Variants in ADGRE3 observed in about 807,000 individuals in gnomAD.
ADGRE3 encodes the protein EGF-like module receptor 3.
In ADGRE3, 88 loss-of-function variants were observed where a neutral mutation model predicts 80.1. The ratio of observed to expected loss-of-function variants is 1.10; its 90% confidence interval spans 0.93 to 1.31. ADGRE3 has a LOEUF of 1.31. ADGRE3 is among the 40% of genes most tolerant of loss of function. The pLI is 0.00. For synonymous variants in ADGRE3, 281 were observed against 294.8 expected (o/e 0.95, Z 0.48); for missense variants, 715 against 776.5 (o/e 0.92, Z 0.94).
chr19:14,673,779 C>T (rs1446227214), intron 1 of ADGRE3, among the ~76,000 whole-genome samples: 4 of 152,244 alleles, frequency 2.6e-5, no homozygotes, highest in East Asian at 1.9e-4. Context: ...TTTTGTTACA[C>T]GCATAGATTT....
At chr19:14,620,461 T>TCTATGTATATTC (rs1970522180) in intron 15 of ADGRE3, among the ~76,000 whole-genome samples, 1 of 136,454 alleles carries the variant, frequency 7.3e-6, no homozygotes, top group African/African-American at 2.7e-5. Flanking sequence ...TATATGAATA[T>TCTATGTATATTC]ATGAATATAT....
chr19:14,636,071 CTTTCCTTTCCCTTT>C (rs1288568176), intron 11 of ADGRE3, among the ~76,000 whole-genome samples: 3 of 80,474 alleles, frequency 3.7e-5, no homozygotes, highest in Middle Eastern at 5.7e-3. Context: ...CTTTCCTTTC[CTTTCCTTTCCCTTT>C]CTTTCTTTCT....
intron 15 of ADGRE3, among the ~76,000 whole-genome samples, chr19:14,620,496 A>ATATTGATGT (rs1970532377): frequency 8.1e-6 from 1 of 123,678 alleles, no homozygotes; most frequent in African/African-American, 3.1e-5. Flanking sequence ...AATATATATG[A>ATATTGATGT]ATATATGAAT....
At chr19:14,607,395 G>A in the ADGRE3 span, among the ~76,000 whole-genome samples, 3 of 151,562 alleles carry the variant, frequency 2.0e-5, no homozygotes, top group Non-Finnish European at 2.9e-5. Context: ...AGTAGAGACG[G>A]GGTTTCACCG....
At chr19:14,610,390 C>T in the ADGRE3 span, 1 of 687,828 alleles carries the variant, frequency 1.5e-6, no homozygotes, top group Non-Finnish European at 2.4e-6. Flanking sequence ...TGGGCTTGCC[C>T]TAGTAGATGG....
At chr19:14,637,660 CAA>C (rs1250123459) in intron 11 of ADGRE3, among the ~76,000 whole-genome samples, 1 of 151,832 alleles carries the variant, frequency 6.6e-6, no homozygotes, top group African/African-American at 2.4e-5. Flanking sequence ...CTGGGCTTCC[CAA>C]AGTGCTGGGA....
intron 15 of ADGRE3, among the ~76,000 whole-genome samples, chr19:14,620,526 A>C (rs1429295914): frequency 8.4e-5 from 1 of 11,918 alleles, no homozygotes; most frequent in Admixed American, 1.0e-3. Context: ...CTATATATGA[A>C]TATATATATT....
At chr19:14,646,266 G>A (rs1971395664) in intron 8 of ADGRE3, among the ~76,000 whole-genome samples, 1 of 152,142 alleles carries the variant, frequency 6.6e-6, no homozygotes, top group East Asian at 1.9e-4. Flanking sequence ...GGGACTACAG[G>A]CATGTGCCAC....
At chr19:14,607,405 G>C in the ADGRE3 span, among the ~76,000 whole-genome samples, 5 of 151,336 alleles carry the variant, frequency 3.3e-5, no homozygotes, top group African/African-American at 1.2e-4. Context: ...GGGTTTCACC[G>C]TGTTAGCCAG....
At chr19:14,614,458 A>G (rs2075064080), downstream of ADGRE3, among the ~76,000 whole-genome samples, 1 of 152,182 alleles carries the variant, frequency 6.6e-6, no homozygotes, top group Admixed American at 6.5e-5. Flanking sequence ...GGGGAGCAAC[A>G]GTTGGATAAA....
intron 14 of ADGRE3, among the ~76,000 whole-genome samples, chr19:14,628,957 C>T (rs985660951): frequency 6.6e-6 from 1 of 151,920 alleles, no homozygotes; most frequent in Non-Finnish European, 1.5e-5. Context: ...GAGTCTTGCT[C>T]TGTTGCCCAG....
At position 14,662,061 on chromosome 19, in the gene ADGRE3, T is replaced by A; in HGVS notation, c.257A>T (p.Tyr86Phe). ...SVYCGFNAVCYNVEGSFYCQC... is the reference protein window; with the variant it reads ...SVYCGFNAVCFNVEGSFYCQC... ...ACAGTAGAAACTTCCTTCGACATTG[T>A]AACACACAGCGTTAAATCCACAATA... The change falls in exon 4 of 16, where the codon TAC (tyrosine) becomes TTC (phenylalanine). Residue 86 changes from tyrosine to phenylalanine, a missense_variant. Coordinates refer to ENST00000253673, the MANE Select transcript of ADGRE3 (RefSeq NM_032571.5). 1 of 1,614,142 alleles carries A rather than the reference T, an allele frequency of 6.2e-7. No individual in the cohort carries two copies. The highest frequency in any genetic ancestry group is 8.5e-7 in the Non-Finnish European group (1 of 1,179,958).
rs1158142057 is a variant in ADGRE3 at position 14,636,145 on chromosome 19, T to TTCCTTCCTTCCTTCCTTCCTTCCTTC, written c.1484+1959_1484+1960insGAAGGAAGGAAGGAAGGAAGGAAGGA. 5.8e-4 allele frequency among the ~76,000 whole-genome samples: 13 copies of TTCCTTCCTTCCTTCCTTCCTTCCTTC among 22,294 alleles called. 2 individuals are homozygous for TTCCTTCCTTCCTTCCTTCCTTCCTTC. The highest frequency in any genetic ancestry group is 2.1e-3 in the East Asian group (2 of 932). 14.6% of individuals were successfully genotyped at this position (22,294 alleles called of 152,430 possible). The stretch of plus-strand genomic sequence containing the variant: ...TTCTTTCTTTCTTTCTTTCTTTCTT[T>TTCCTTCCTTCCTTCCTTCCTTCCTTC]CTTTCTTCCTTTCCTCCTTTCCTTT... On this transcript the variant is annotated intron_variant, in intron 11 of 15. Coordinates refer to ENST00000253673, the MANE Select transcript of ADGRE3 (RefSeq NM_032571.5).
At chr19:14,664,670 T>C (rs2146901150) in intron 2 of ADGRE3, among the ~76,000 whole-genome samples, 1 of 152,202 alleles carries the variant, frequency 6.6e-6, no homozygotes, top group East Asian at 1.9e-4. Context: ...GGTCATGTCA[T>C]TACACTGCAG....
chr19:14,657,482 TAC>T (rs556887993), intron 5 of ADGRE3, among the ~76,000 whole-genome samples: 1 of 151,926 alleles, frequency 6.6e-6, no homozygotes, highest in Non-Finnish European at 1.5e-5. Context: ...CACACGCTCA[TAC>T]ACACACACTC....
chr19:14,651,127 T>C lies in ADGRE3; in HGVS notation c.655A>G (p.Met219Val), dbSNP rs1353426646. 7 of 1,613,844 alleles carry C rather than the reference T, an allele frequency of 4.3e-6. No individual in the cohort carries two copies. The highest frequency in any genetic ancestry group is 2.7e-5 in the African/African-American group (2 of 74,932). ...ATGATGTCACTGCAACGGATGTCCA[T>C]TGAGTTCATTTGGACGTTCAAGTTG... ...TFNLNVQMNS[M>V]DIRCSDIIQG... Residue 219 changes from methionine (M) to valine (V), a missense_variant, in exon 7 of 16, where the codon ATG becomes GTG. Coordinates refer to ENST00000253673, the MANE Select transcript of ADGRE3 (RefSeq NM_032571.5).
Position 14,674,792 on chromosome 19 carries a change from C to CGCCA in ADGRE3, c.-26_-23dup. The CGCCA allele has an allele frequency of 6.2e-7, 1 of 1,613,376 alleles. No homozygotes were observed. The highest frequency in any genetic ancestry group is 8.5e-7 in the Non-Finnish European group (1 of 1,179,676). Reference sequence around the variant, plus strand: ...GCATTTCTGTGGTACGGGTATCCCACGCCAGCCAGCCCTGGAAGCTCTCTA... The same window carrying CGCCA: ...GCATTTCTGTGGTACGGGTATCCCACGCCAGCCAGCCAGCCCTGGAAGCTCTCTA... On this transcript the variant is annotated 5_prime_UTR_variant, in exon 1 of 16. Transcript: ENST00000253673.
chr19:14,667,828 TA>T (rs1331009979), intron 2 of ADGRE3, among the ~76,000 whole-genome samples: 17 of 151,992 alleles, frequency 1.1e-4, no homozygotes, highest in Non-Finnish European at 1.6e-4. Context: ...TAAAGTATAA[TA>T]AAAAAAATAA....
intron 15 of ADGRE3, among the ~76,000 whole-genome samples, chr19:14,620,441 T>TATTCATGTATATATGAATATATATGTAC (rs1970517208): frequency 7.0e-6 from 1 of 143,870 alleles, no homozygotes; most frequent in Admixed American, 7.2e-5. Flanking sequence ...TATATATGTA[T>TATTCATGTATATATGAATATATATGTAC]ATTCATGTAT....
Sources: allele counts gnomAD v4.1 joint callset (sites outside exome capture counted in the v4.1 genomes callset), GRCh38; gene constraint gnomAD v4.1.1; transcripts MANE v1.5; gene names NCBI Gene and HGNC (gene_info 2026-07-23, HGNC 2026-07-21).